CFAP251: variants seen among roughly 807,000 people sequenced by gnomAD.
The protein encoded by CFAP251 is cilia- and flagella-associated protein 251.
CFAP251 carries 93 observed loss-of-function variants against 126.7 expected under a neutral mutation model. That is an observed-to-expected ratio of 0.73 (90% CI 0.62 to 0.87). The LOEUF is 0.87. Among genes scored for constraint, CFAP251 ranks in the 40% least tolerant of loss-of-function variants. The pLI, the probability that CFAP251 is intolerant of heterozygous loss-of-function variation, is 0.00. For synonymous variants in CFAP251, 503 were observed against 506.9 expected (o/e 0.99, Z 0.10); for missense variants, 1,287 against 1,389.2 (o/e 0.93, Z 1.17).
rs1195400612 is a variant in CFAP251 at position 121,993,844 on chromosome 12, T to TG, written c.3007-5864dup. 6.2e-5 allele frequency among the ~76,000 whole-genome samples: 5 copies of TG among 80,012 alleles called. No homozygotes were observed. The East Asian group carries it at 1.5e-3, about 25-fold the overall frequency. 52.5% of individuals were successfully genotyped at this position (80,012 alleles called of 152,430 possible). Reference sequence around the variant, plus strand: ...CCAGCCGCCCCGTCCGGGAGGGAGGTGGGGGGGGTCAGCCCCCCCGCCCGG... The same window carrying TG: ...CCAGCCGCCCCGTCCGGGAGGGAGGTGGGGGGGGGTCAGCCCCCCCGCCCGG... On this transcript the variant is annotated intron_variant, in intron 19 of 21. Transcript: ENST00000288912.
In CFAP251 at chr12:121,999,956, C is replaced by T. The variant is rs1990101489; in HGVS notation, c.3235+12C>T. 2 of 1,597,164 alleles carry T rather than the reference C, an allele frequency of 1.3e-6. No homozygotes were observed. The highest frequency in any genetic ancestry group is 1.7e-6 in the Non-Finnish European group (2 of 1,165,476). On this transcript the variant is annotated intron_variant, in intron 20 of 21. Coordinates refer to ENST00000288912, the MANE Select transcript of CFAP251 (RefSeq NM_144668.6). ...GCTCGTTACTAAAGGTAAGCACATA[C>T]ATCAGGATGTCTGGTAACATCCTGG...
intron 1 of CFAP251, among the ~76,000 whole-genome samples, chr12:121,920,422 A>G (rs907950882): frequency 1.7e-4 from 20 of 117,972 alleles, no homozygotes; most frequent in Middle Eastern, 5.4e-3. Flanking sequence ...TTTGAGACGG[A>G]GTCTCGCTGT....
At chr12:121,956,158 C>T (rs971985236) in intron 10 of CFAP251, among the ~76,000 whole-genome samples, 2 of 152,316 alleles carry the variant, frequency 1.3e-5, no homozygotes, top group Non-Finnish European at 1.5e-5. Flanking sequence ...TGCCTTCTGC[C>T]GTGATGACTG....
intron 19 of CFAP251, among the ~76,000 whole-genome samples, chr12:121,995,665 T>C (rs185293538): frequency 2.0e-5 from 3 of 152,196 alleles, no homozygotes; most frequent in Non-Finnish European, 2.9e-5. Context: ...TTTTAGATTT[T>C]AGTGGAGATG....
intron 17 of CFAP251, chr12:121,968,836 C>A: frequency 1.0e-6 from 1 of 963,658 alleles, no homozygotes; most frequent in Non-Finnish European, 1.2e-6. Flanking sequence ...TAGTACAGAG[C>A]AAAGTACTCG....
At chr12:121,926,040 T>C (rs867493210) in intron 3 of CFAP251, among the ~76,000 whole-genome samples, 33 of 148,180 alleles carry the variant, frequency 2.2e-4, no homozygotes, top group Middle Eastern at 3.4e-3. Flanking sequence ...TTTTTTTTTT[T>C]TTTTTTAGTA....
chr12:121,990,203 G>A (rs1232478169), intron 19 of CFAP251, among the ~76,000 whole-genome samples: 1 of 152,230 alleles, frequency 6.6e-6, no homozygotes, highest in Non-Finnish European at 1.5e-5. Flanking sequence ...GCCAAGCCAA[G>A]CTGGGCCTGC....
chr12:121,976,497 C>T (rs1013901024), intron 19 of CFAP251, among the ~76,000 whole-genome samples: 18 of 152,010 alleles, frequency 1.2e-4, no homozygotes, highest in African/African-American at 3.4e-4. Flanking sequence ...CTGTGGAGCA[C>T]GGAGGGTGCA....
At chr12:121,980,052 GCC>G (rs1882581164) in intron 19 of CFAP251, among the ~76,000 whole-genome samples, 1 of 152,118 alleles carries the variant, frequency 6.6e-6, no homozygotes, top group African/African-American at 2.4e-5. Flanking sequence ...TCCGTGTCCG[GCC>G]CCCAGTCCAC....
intron 19 of CFAP251, among the ~76,000 whole-genome samples, chr12:121,986,189 G>A (rs929429502): frequency 6.6e-6 from 1 of 151,332 alleles, no homozygotes; most frequent in East Asian, 2.0e-4. Flanking sequence ...ATGGGGTTTC[G>A]CCATGTTGGC....
chr12:121,952,990 C>G (rs890465794), intron 9 of CFAP251: 8 of 152,102 alleles, frequency 5.3e-5, no homozygotes, highest in Non-Finnish European at 1.2e-4. Flanking sequence ...ACATTTTCAC[C>G]AATTGATCAA....
intron 7 of CFAP251, among the ~76,000 whole-genome samples, chr12:121,945,354 T>C (rs895507401): frequency 1.3e-5 from 2 of 151,776 alleles, no homozygotes; most frequent in Non-Finnish European, 2.9e-5. Flanking sequence ...TTTCTTTTCT[T>C]TTTTTTTGAG....
At chr12:121,961,831 T>G in intron 14 of CFAP251, 147 bp from the exon 15 acceptor site, 3 of 754,762 alleles carry the variant, frequency 4.0e-6, no homozygotes, top group Non-Finnish European at 6.4e-6. Context: ...TAGGCAAGTC[T>G]TCTCTTAGGA....
rs1431212503 is a variant in CFAP251 at position 121,958,252 on chromosome 12, G to C, written c.1731-20G>C. The C allele has an allele frequency of 6.3e-7, 1 of 1,597,396 alleles. No homozygotes were observed. Among genetic ancestry groups the C allele is most frequent in the Non-Finnish European group, 8.5e-7 (1 of 1,169,824 alleles). ...TTCCCTGCAAACACTGATATTGTTT[G>C]GTCTCTCCTTGGCAAACAGGAATTT... On this transcript the variant is annotated intron_variant, in intron 11 of 21. Coordinates refer to ENST00000288912, the MANE Select transcript of CFAP251 (RefSeq NM_144668.6).
At chr12:121,991,935 G>A (rs1156458170) in intron 19 of CFAP251, among the ~76,000 whole-genome samples, 3 of 152,118 alleles carry the variant, frequency 2.0e-5, no homozygotes, top group Non-Finnish European at 4.4e-5. Context: ...GGAGGTTGCT[G>A]TGATCCGAGA....
chr12:121,942,636 T>C lies in CFAP251; in HGVS notation c.1101T>C (p.Ala367=), dbSNP rs752561961. Reference sequence around the variant, plus strand: ...AGTATCTGGCAACCATCTCAGATGCTGAAGTCCAGGTAAAGGCCCTGGCCC... The same window carrying C: ...AGTATCTGGCAACCATCTCAGATGCCGAAGTCCAGGTAAAGGCCCTGGCCC... ...DAKYLATISD[A]EVQKVCIWKW... is the part of the protein sequence containing the mutation. The change falls in exon 6 of 22, where the codon GCT becomes GCC. Residue 367 remains alanine (A), a synonymous_variant. Coordinates refer to ENST00000288912, the MANE Select transcript of CFAP251 (RefSeq NM_144668.6). The C allele has an allele frequency of 6.2e-7, 1 of 1,611,970 alleles. No individual in the cohort carries two copies. The highest frequency in any genetic ancestry group is 1.3e-5 in the African/African-American group (1 of 74,932).
chr12:121,923,996 T>C lies in CFAP251; in HGVS notation c.747+6T>C. ...GCACCCCGGTGTATCCCTTGGTAAGTGTAATGCTTTTAAATCTCCCCCAGT... is the reference window on the plus strand; with the variant it reads ...GCACCCCGGTGTATCCCTTGGTAAGCGTAATGCTTTTAAATCTCCCCCAGT... On this transcript the variant is annotated splice_donor_region_variant and intron_variant, in intron 3 of 21. Transcript: ENST00000288912. 6.4e-7 allele frequency: 1 copy of C among 1,570,506 alleles called. No homozygotes were observed. Among genetic ancestry groups the C allele is most frequent in the South Asian group, 1.2e-5 (1 of 86,398 alleles).
intron 17 of CFAP251, among the ~76,000 whole-genome samples, chr12:121,973,314 G>T (rs1882382177): frequency 1.3e-5 from 2 of 152,240 alleles, no homozygotes; most frequent in Admixed American, 1.3e-4. Flanking sequence ...ATTTCAGAAG[G>T]TGTATGGAAA....
In CFAP251 at chr12:121,957,158, A is replaced by G; in HGVS notation, c.1620A>G (p.Lys540=). 2 of 1,614,130 alleles carry G rather than the reference A, an allele frequency of 1.2e-6. No homozygotes were observed. The highest frequency in any genetic ancestry group is 1.7e-6 in the Non-Finnish European group (2 of 1,180,014). ...TTGTTAACTGGTACAGTCACTTGAA[A>G]CTGGGCGCCATAAGAACTCTGTCCT... The part of the protein sequence containing the change: ...LSIVNWYSHL[K]LGAIRTLSFS... Residue 540 remains lysine, a synonymous_variant, in exon 11 of 22, where the codon AAA becomes AAG. Coordinates refer to ENST00000288912, the MANE Select transcript of CFAP251 (RefSeq NM_144668.6).
Sources: gnomAD v4.1 joint callset for allele counts (sites outside exome capture counted in the v4.1 genomes callset) on GRCh38, gnomAD v4.1.1 for gene constraint, MANE v1.5 for transcripts, NCBI Gene and HGNC (gene_info 2026-07-23, HGNC 2026-07-21) for gene names.